DICER1: variants seen among roughly 807,000 people sequenced by gnomAD.
DICER1 encodes dicer 1, ribonuclease III.
In DICER1, 43 loss-of-function variants were observed where a neutral mutation model predicts 194.1. The observed-to-expected ratio is 0.22, with a 90% confidence interval of 0.17 to 0.29. The LOEUF is 0.29. Ranked by LOEUF, DICER1 falls within the 10% of genes least tolerant of loss-of-function variation. The pLI is 1.00. For synonymous variants in DICER1, 832 were observed against 820.5 expected (o/e 1.01, Z -0.24); for missense variants, 1,608 against 2,317.0 (o/e 0.69, Z 6.28).
intron 5 of DICER1, 62 bp downstream of exon 5, chr14:95,129,996 C>T: frequency 6.5e-7 from 1 of 1,540,820 alleles, no homozygotes; most frequent in South Asian, 1.1e-5. Flanking sequence ...AATCTAAAAA[C>T]AAAAATCTGC....
At chr14:95,097,968 G>C (rs1385428862) in intron 22 of DICER1, among the ~76,000 whole-genome samples, 1 of 152,064 alleles carries the variant, frequency 6.6e-6, no homozygotes, top group Non-Finnish European at 1.5e-5. Flanking sequence ...AGATGTTTTT[G>C]ATTGGTCCTT....
rs1266477428 is a variant in DICER1, at chr14:95,104,393, G to A, written c.3270-267C>T. Among the ~76,000 whole-genome samples, 12 of 152,180 alleles carry A rather than the reference G, an allele frequency of 7.9e-5. No individual in the cohort carries two copies. In the East Asian group the frequency reaches 1.3e-3, roughly 17 times the overall value. ...CTTGCAGGCATCCTGCAGGACCTGGGGCCTAGCTTCACGGGTTGGAATCCC... is the reference window on the plus strand; with the variant it reads ...CTTGCAGGCATCCTGCAGGACCTGGAGCCTAGCTTCACGGGTTGGAATCCC... On this transcript the variant is annotated intron_variant, in intron 20 of 26. Transcript: ENST00000343455.
chr14:95,099,728 A>G (rs1890682756), intron 22 of DICER1, 52 bp downstream of exon 22: 1 of 1,526,314 alleles, frequency 6.6e-7, no homozygotes, highest in Non-Finnish European at 8.7e-7. Context: ...AAATCCCTCC[A>G]GTTACACACA....
At chr14:95,121,488 C>T (rs1055483097) in intron 8 of DICER1, among the ~76,000 whole-genome samples, 7 of 152,140 alleles carry the variant, frequency 4.6e-5, no homozygotes, top group African/African-American at 1.2e-4. Context: ...ATGAGAACTC[C>T]GTACCATTTT....
At chr14:95,102,887 T>C (rs1891009896) in intron 21 of DICER1, among the ~76,000 whole-genome samples, 1 of 152,166 alleles carries the variant, frequency 6.6e-6, no homozygotes, top group Non-Finnish European at 1.5e-5. Flanking sequence ...TCTCCAAAAC[T>C]TTGGAGATGA....
intron 21 of DICER1, among the ~76,000 whole-genome samples, chr14:95,101,312 T>A (rs150412141): frequency 2.9e-4 from 44 of 152,228 alleles, no homozygotes; most frequent in Middle Eastern, 3.4e-3. Context: ...TCTGCAGAAA[T>A]AAGGAGTAGA....
Position 95,088,531 on chromosome 14 carries a change from G to T in DICER1, c.*1967C>A. On this transcript the variant is annotated 3_prime_UTR_variant, in exon 27 of 27. Coordinates refer to ENST00000343455, the MANE Select transcript of DICER1 (RefSeq NM_177438.3). ...TTTACAGTTATATAATTCAAGAATT[G>T]CTTTGTTTTAACTGGTCATATCTTA... The T allele has an allele frequency of 4.3e-6, 1 of 232,162 alleles. No individual in the cohort carries two copies. Among genetic ancestry groups the T allele is most frequent in the Admixed American group, 5.6e-5 (1 of 17,758 alleles). The allele number at this position is 232,162 out of a possible 1,614,324, so 14.4% of individuals were successfully genotyped here. A position where few individuals can be genotyped will look rare whatever the true frequency, so the allele number is the denominator to read the frequency against.
intron 6 of DICER1, chr14:95,129,253 A>G: frequency 1.9e-6 from 1 of 517,278 alleles, no homozygotes; most frequent in South Asian, 2.5e-5. Context: ...TAATCTCTTA[A>G]GGCAGAAATG....
intron 22 of DICER1, among the ~76,000 whole-genome samples, chr14:95,097,933 T>C (rs1890508017): frequency 6.6e-6 from 1 of 152,156 alleles, no homozygotes; most frequent in African/African-American, 2.4e-5. Flanking sequence ...CTGCTAACAA[T>C]CTTAGACTTT....
At chr14:95,093,006 C>T (rs753029783) in intron 24 of DICER1, among the ~76,000 whole-genome samples, 1 of 152,160 alleles carries the variant, frequency 6.6e-6, no homozygotes, top group Non-Finnish European at 1.5e-5. Context: ...GCTGGCAGGG[C>T]GTGAACTCGG....
At chr14:95,108,249 T>C in intron 15 of DICER1, 75 bp downstream of exon 15, 1 of 1,435,260 alleles carries the variant, frequency 7.0e-7, no homozygotes, top group Non-Finnish European at 9.8e-7. Flanking sequence ...AAAAGGTACT[T>C]ACTACTAGTT....
intron 22 of DICER1, 31 bp downstream of exon 22, chr14:95,099,748 AC>A (rs774578920): frequency 2.1e-5 from 34 of 1,588,114 alleles, no homozygotes; most frequent in Middle Eastern, 1.7e-4. Context: ...ACACACACAC[AC>A]ACACACACAC....
chr14:95,115,535 T>C (rs1187819993), intron 11 of DICER1, 132 bp downstream of exon 11: 1 of 1,013,786 alleles, frequency 9.9e-7, no homozygotes, highest in South Asian at 1.4e-5. Context: ...AAGTAACTTT[T>C]CTTTATCGAA....
intron 22 of DICER1, 73 bp from the exon 23 acceptor site, chr14:95,096,786 AG>A (rs745537640): frequency 6.6e-7 from 1 of 1,503,832 alleles, no homozygotes; most frequent in Non-Finnish European, 8.9e-7. Flanking sequence ...ACTCAATAAA[AG>A]CAAGGGTTAT....
intron 1 of DICER1, among the ~76,000 whole-genome samples, chr14:95,156,931 C>A (rs7148441): frequency 0.033 from 5,008 of 152,242 alleles, 301 homozygotes; most frequent in African/African-American, 0.11. Flanking sequence ...AGTGGACAGG[C>A]GCCGGCATCC....
chr14:95,103,121 C>CA (rs1187150776), intron 21 of DICER1, among the ~76,000 whole-genome samples: 1 of 152,162 alleles, frequency 6.6e-6, no homozygotes, highest in African/African-American at 2.4e-5. Flanking sequence ...AGCTAAGCCC[C>CA]AAAACCTGAG....
At chr14:95,143,940 T>C (rs533727631) in intron 1 of DICER1, among the ~76,000 whole-genome samples, 9 of 152,060 alleles carry the variant, frequency 5.9e-5, no homozygotes, top group African/African-American at 1.9e-4. Flanking sequence ...GCCAACTACA[T>C]GGAGGAATTT....
chr14:95,089,621 T>C lies in DICER1; in HGVS notation c.*877A>G, dbSNP rs908208420. The stretch of plus-strand genomic sequence containing the variant: ...CAAAGATCATTTTTATGATAAAAAA[T>C]ATCCGTAGACTACATATTCTGGTTT... On this transcript the variant is annotated 3_prime_UTR_variant, in exon 27 of 27. Coordinates refer to ENST00000343455, the MANE Select transcript of DICER1 (RefSeq NM_177438.3). 2 of 231,530 alleles carry C rather than the reference T, an allele frequency of 8.6e-6. No individual in the cohort carries two copies. Among genetic ancestry groups the C allele is most frequent in the African/African-American group, 4.4e-5 (2 of 45,258 alleles). 14.3% of individuals were successfully genotyped at this position (231,530 alleles called of 1,614,324 possible).
intron 1 of DICER1, chr14:95,140,824 A>G (rs1894783712): frequency 6.6e-6 from 1 of 152,206 alleles, no homozygotes; most frequent in South Asian, 2.1e-4. Context: ...ACACATCTAC[A>G]AGAGAGCCCT....
Sources: gnomAD v4.1 joint callset for allele counts (sites outside exome capture counted in the v4.1 genomes callset) on GRCh38, gnomAD v4.1.1 for gene constraint, MANE v1.5 for transcripts, NCBI Gene and HGNC (gene_info 2026-07-23, HGNC 2026-07-21) for gene names.